Variants in PPP1R14C observed in about 807,000 individuals in gnomAD.
PPP1R14C encodes the protein protein phosphatase 1 regulatory subunit 14C.
A neutral mutation model predicts 20.4 loss-of-function variants in PPP1R14C; 16 were observed. The ratio of observed to expected loss-of-function variants is 0.78; its 90% CI spans 0.53 to 1.19. PPP1R14C has a LOEUF of 1.19. PPP1R14C is among the 50% of genes most tolerant of loss of function. The pLI is 0.00. For synonymous variants in PPP1R14C, 91 were observed against 91.0 expected (o/e 1.00, Z 0.00); for missense variants, 211 against 220.1 (o/e 0.96, Z 0.26).
At chr6:150,170,528 T>C (rs1381843717) in intron 1 of PPP1R14C, among the ~76,000 whole-genome samples, 1 of 152,080 alleles carries the variant, frequency 6.6e-6, no homozygotes, top group Admixed American at 6.6e-5. Flanking sequence ...TTCAATGTGT[T>C]AGCCAGGATG....
At chr6:150,150,175 A>G (rs185893069) in intron 1 of PPP1R14C, among the ~76,000 whole-genome samples, 2 of 152,350 alleles carry the variant, frequency 1.3e-5, no homozygotes, top group African/African-American at 2.4e-5. Flanking sequence ...GCAAAAGTCA[A>G]TCTGTGTTTT....
intron 3 of PPP1R14C, among the ~76,000 whole-genome samples, chr6:150,243,745 T>C (rs978472692): frequency 6.6e-6 from 1 of 152,224 alleles, no homozygotes; most frequent in African/African-American, 2.4e-5. Context: ...ACTTTATTTA[T>C]AATAGCCCCA....
At position 150,201,886 on chromosome 6, in the gene PPP1R14C, G is replaced by A. The variant is rs1412116677; in HGVS notation, c.307-12858G>A. Among the ~76,000 whole-genome samples the A allele has an allele frequency of 6.6e-6, 1 of 152,152 alleles. No individual in the cohort carries two copies. Among genetic ancestry groups the A allele is most frequent in the Non-Finnish European group, 1.5e-5 (1 of 68,026 alleles). ...GTGGCGACAGGGAGAGGAGGGGTCAGGAGTGAAGTATTCCATGAACCGTCA... is the reference window on the plus strand; with the variant it reads ...GTGGCGACAGGGAGAGGAGGGGTCAAGAGTGAAGTATTCCATGAACCGTCA... On this transcript the variant is annotated intron_variant, in intron 1 of 3. Coordinates refer to ENST00000361131, the MANE Select transcript of PPP1R14C (RefSeq NM_030949.3). The surrounding 1 kb of genome is among the most constrained non-coding windows in gnomAD (Gnocchi z 4.2).
chr6:150,204,140 A>G (rs746329090), intron 1 of PPP1R14C, among the ~76,000 whole-genome samples: 14 of 152,224 alleles, frequency 9.2e-5, no homozygotes, highest in Non-Finnish European at 2.1e-4. Context: ...CACTGTGTCC[A>G]GTGCTTTCAA....
chr6:150,207,420 C>T (rs761932020), intron 1 of PPP1R14C, among the ~76,000 whole-genome samples: 5 of 152,222 alleles, frequency 3.3e-5, no homozygotes, highest in Admixed American at 2.0e-4. Flanking sequence ...GCCCTCGATT[C>T]GCATCAGGCA....
At chr6:150,242,863 T>G (rs1240088760) in intron 3 of PPP1R14C, among the ~76,000 whole-genome samples, 1 of 152,158 alleles carries the variant, frequency 6.6e-6, no homozygotes, top group Non-Finnish European at 1.5e-5. Context: ...GGATACAAGA[T>G]AAATATATGA....
At position 150,201,534 on chromosome 6, in the gene PPP1R14C, A is replaced by G. The variant is rs1021604171; in HGVS notation, c.307-13210A>G. Among the ~76,000 whole-genome samples, 1 of 152,080 alleles carries G rather than the reference A, an allele frequency of 6.6e-6. No homozygotes were observed. Among genetic ancestry groups the G allele is most frequent in the African/African-American group, 2.4e-5 (1 of 41,400 alleles). Reference sequence around the variant, plus strand: ...CTCAGGGAGTTGGGGTGAGGCATTGAATGGAGAGGAGGCCGGGAGCCCAGC... The same window carrying G: ...CTCAGGGAGTTGGGGTGAGGCATTGGATGGAGAGGAGGCCGGGAGCCCAGC... On this transcript the variant is annotated intron_variant, in intron 1 of 3. Transcript: ENST00000361131. The surrounding 1 kb of genome is among the most constrained non-coding windows in gnomAD (Gnocchi z 4.2).
rs146572941 is a variant in PPP1R14C, at chr6:150,144,997, GT to G, written c.306+1509del. Among the ~76,000 whole-genome samples, 831 of 149,226 alleles carry G rather than the reference GT, an allele frequency of 5.6e-3. 10 individuals are homozygous for G. Among genetic ancestry groups the G allele is most frequent in the African/African-American group, 0.018 (744 of 40,736 alleles). On this transcript the variant is annotated intron_variant, in intron 1 of 3. Transcript: ENST00000361131. The stretch of plus-strand genomic sequence containing the variant: ...AGTTAATTTTCATTTATTTCATACT[GT>G]TTTTTTTTTCTCCATTTGGGATTTG...
At chr6:150,159,684 G>A (rs1319240632) in intron 1 of PPP1R14C, among the ~76,000 whole-genome samples, 2 of 151,322 alleles carry the variant, frequency 1.3e-5, no homozygotes, top group Non-Finnish European at 2.9e-5. Context: ...GAAAAATTGC[G>A]AAGACAGAAC....
chr6:150,195,718 C>T lies in PPP1R14C; in HGVS notation c.307-19026C>T, dbSNP rs115711730. The T allele has an allele frequency of 1.6e-3, 537 of 336,494 alleles. 5 individuals carry two copies. The highest frequency in any genetic ancestry group is 0.011 in the African/African-American group (487 of 44,758). The allele number at this position is 336,494 out of a possible 1,614,324, so 20.8% of individuals were successfully genotyped here. A position where few individuals can be genotyped will look rare whatever the true frequency, so the allele number is the denominator to read the frequency against. On this transcript the variant is annotated intron_variant, in intron 1 of 3. Coordinates refer to ENST00000361131, the MANE Select transcript of PPP1R14C (RefSeq NM_030949.3). Reference sequence around the variant, plus strand: ...TTTAGCCATTTTTAAGTGTACAGGTCAGCTACATTAAGTACATTTACTATT... The same window carrying T: ...TTTAGCCATTTTTAAGTGTACAGGTTAGCTACATTAAGTACATTTACTATT...
intron 1 of PPP1R14C, among the ~76,000 whole-genome samples, chr6:150,189,276 G>A (rs894460296): frequency 3.9e-5 from 6 of 152,066 alleles, no homozygotes; most frequent in African/African-American, 7.2e-5. Context: ...CCTTCTCCTC[G>A]AAAGCACCAG....
At chr6:150,216,950 G>C (rs1778101809) in intron 3 of PPP1R14C, 94 bp downstream of exon 3, 1 of 969,312 alleles carries the variant, frequency 1.0e-6, no homozygotes. Context: ...AAGTAGGTTT[G>C]AGTGTGTGTA....
At chr6:150,215,851 C>T (rs1047148083) in intron 2 of PPP1R14C, among the ~76,000 whole-genome samples, 2 of 152,182 alleles carry the variant, frequency 1.3e-5, no homozygotes, top group East Asian at 1.9e-4. Context: ...TGCACTTAAA[C>T]CCCTTGCTTC....
chr6:150,230,299 C>T (rs1168770049), intron 3 of PPP1R14C, among the ~76,000 whole-genome samples: 4 of 152,138 alleles, frequency 2.6e-5, no homozygotes, highest in South Asian at 2.1e-4. Flanking sequence ...GAAGAAGTGT[C>T]GGGTAGCTGC....
At chr6:150,192,978 G>T (rs1254912177) in intron 1 of PPP1R14C, among the ~76,000 whole-genome samples, 1 of 152,202 alleles carries the variant, frequency 6.6e-6, no homozygotes, top group Non-Finnish European at 1.5e-5. Flanking sequence ...TGACCTTTTA[G>T]TGGGAGGGAG....
intron 1 of PPP1R14C, among the ~76,000 whole-genome samples, chr6:150,153,821 C>T (rs1455078593): frequency 6.6e-6 from 1 of 152,182 alleles, no homozygotes; most frequent in Non-Finnish European, 1.5e-5. Flanking sequence ...TTGAAAGAAT[C>T]CACGGGGAAA....
chr6:150,145,801 C>T (rs1160359400), intron 1 of PPP1R14C, among the ~76,000 whole-genome samples: 1 of 152,124 alleles, frequency 6.6e-6, no homozygotes, highest in African/African-American at 2.4e-5. Flanking sequence ...AGCCAATTTC[C>T]CAGCCTTCAA....
chr6:150,197,329 C>T (rs1022727486), intron 1 of PPP1R14C, among the ~76,000 whole-genome samples: 2 of 152,212 alleles, frequency 1.3e-5, no homozygotes, highest in African/African-American at 4.8e-5. Flanking sequence ...TAGCCACTGT[C>T]GTTGGTCTAG....
chr6:150,203,316 G>T (rs1227087411), intron 1 of PPP1R14C, among the ~76,000 whole-genome samples: 1 of 152,178 alleles, frequency 6.6e-6, no homozygotes, highest in African/African-American at 2.4e-5. Context: ...CATGCGTATG[G>T]CAACTTTCCA....
Sources: allele counts gnomAD v4.1 joint callset (sites outside exome capture counted in the v4.1 genomes callset), GRCh38; gene constraint gnomAD v4.1.1; non-coding constraint Gnocchi (gnomAD v3.1); transcripts MANE v1.5; gene names NCBI Gene and HGNC (gene_info 2026-07-23, HGNC 2026-07-21).